Variants in ZRANB1 observed in about 807,000 individuals in gnomAD.
The protein encoded by ZRANB1 is ubiquitin thioesterase ZRANB1.
In ZRANB1, 16 loss-of-function variants were observed where a neutral mutation model predicts 80.5. The ratio of observed to expected loss-of-function variants is 0.20; its 90% CI spans 0.13 to 0.30. The LOEUF (loss-of-function observed/expected upper bound fraction) is 0.30, where lower values mean the gene tolerates loss of function less well. Among genes scored for constraint, ZRANB1 ranks in the 10% least tolerant of loss-of-function variants. The pLI is 1.00. For missense variants in ZRANB1, 576 were observed against 862.6 expected (o/e 0.67, Z 4.16); for synonymous variants, 291 against 293.1 (o/e 0.99, Z 0.07).
intron 1 of ZRANB1, among the ~76,000 whole-genome samples, chr10:124,958,021 C>T (rs112835763): frequency 3.3e-5 from 5 of 152,240 alleles, no homozygotes; most frequent in African/African-American, 4.8e-5. Flanking sequence ...TGAGCCACTG[C>T]GCCTAGCCAG....
At chr10:124,917,898 A>G in the ZRANB1 span, among the ~76,000 whole-genome samples, 1 of 152,166 alleles carries the variant, frequency 6.6e-6, no homozygotes, top group Non-Finnish European at 1.5e-5. Flanking sequence ...GGTGCGGGTC[A>G]TTTCACAGAC....
At chr10:124,927,914 A>C in the ZRANB1 span, among the ~76,000 whole-genome samples, 1 of 152,166 alleles carries the variant, frequency 6.6e-6, no homozygotes, top group Non-Finnish European at 1.5e-5. Context: ...GCACATGCCC[A>C]TAATCCCAGC....
chr10:124,933,576 T>C, the ZRANB1 span, among the ~76,000 whole-genome samples: 1 of 152,258 alleles, frequency 6.6e-6, no homozygotes, highest in Non-Finnish European at 1.5e-5. Context: ...AACTGTGGTC[T>C]TTCATCCAGT....
intron 1 of ZRANB1, among the ~76,000 whole-genome samples, chr10:124,947,385 T>C (rs1311024149): frequency 1.3e-5 from 2 of 152,222 alleles, no homozygotes; most frequent in Non-Finnish European, 2.9e-5. Context: ...ATCTAGAGAA[T>C]AGAGCAGCAC....
chr10:124,928,541 A>G, the ZRANB1 span, among the ~76,000 whole-genome samples: 1 of 152,154 alleles, frequency 6.6e-6, no homozygotes, highest in Non-Finnish European at 1.5e-5. Context: ...CTTTTTTATT[A>G]TTGGGCACCT....
At chr10:124,960,934 G>A (rs950807188) in intron 1 of ZRANB1, among the ~76,000 whole-genome samples, 8 of 151,978 alleles carry the variant, frequency 5.3e-5, no homozygotes, top group African/African-American at 1.9e-4. Flanking sequence ...TGGTGAATGT[G>A]GTTTTGGCAT....
the ZRANB1 span, among the ~76,000 whole-genome samples, chr10:124,917,724 C>T: frequency 6.6e-6 from 1 of 152,188 alleles, no homozygotes; most frequent in African/African-American, 2.4e-5. Flanking sequence ...TTGCTTTCCA[C>T]CTCCTGCGGT....
chr10:124,932,630 G>A, the ZRANB1 span, among the ~76,000 whole-genome samples: 2 of 152,164 alleles, frequency 1.3e-5, no homozygotes, highest in South Asian at 4.2e-4. Context: ...ATTCTTGATA[G>A]CATTTGTTAG....
upstream of ZRANB1, among the ~76,000 whole-genome samples, chr10:124,939,448 G>C (rs1355634278): frequency 6.6e-6 from 1 of 152,010 alleles, no homozygotes; most frequent in African/African-American, 2.4e-5. Flanking sequence ...TATTTTACCA[G>C]GCATTTATGA....
At chr10:124,976,703 C>T (rs1951879569) in intron 5 of ZRANB1, among the ~76,000 whole-genome samples, 1 of 150,014 alleles carries the variant, frequency 6.7e-6, no homozygotes, top group African/African-American at 2.5e-5. Context: ...TTCGAAGTAG[C>T]TGGGATTACA....
At chr10:124,956,822 AG>A (rs1166258609) in intron 1 of ZRANB1, among the ~76,000 whole-genome samples, 1 of 152,204 alleles carries the variant, frequency 6.6e-6, no homozygotes, top group African/African-American at 2.4e-5. Flanking sequence ...AAAGGTTACA[AG>A]TGTAATATAT....
At chr10:124,939,155 G>A (rs1951513106), upstream of ZRANB1, among the ~76,000 whole-genome samples, 1 of 151,832 alleles carries the variant, frequency 6.6e-6, no homozygotes, top group Non-Finnish European at 1.5e-5. Context: ...CAGCTTGGGT[G>A]ACAAAGTGAG....
intron 1 of ZRANB1, 64 bp downstream of exon 1, chr10:124,943,371 A>C: frequency 6.7e-7 from 1 of 1,484,262 alleles, no homozygotes; most frequent in Non-Finnish European, 9.1e-7. Flanking sequence ...TGATATGAAA[A>C]GAGCTGGGTG....
chr10:124,926,875 T>G, the ZRANB1 span, among the ~76,000 whole-genome samples: 2 of 152,220 alleles, frequency 1.3e-5, no homozygotes, highest in African/African-American at 4.8e-5. Context: ...TTCAGCTTTG[T>G]TATATAATCT....
In ZRANB1 at chr10:124,966,659, C is replaced by A; in HGVS notation, c.880C>A (p.Gln294Lys). 1 of 1,614,174 alleles carries A rather than the reference C, an allele frequency of 6.2e-7. No individual in the cohort carries two copies. The highest frequency in any genetic ancestry group is 8.5e-7 in the Non-Finnish European group (1 of 1,180,012). ...GTCATCAGGAGGAGACATTGCACGT[C>A]AGCTCACCGCAGATGAAGTACGCTT... ...YKSSGGDIAR[Q>K]LTADEVRLLN... The change falls in exon 2 of 9, where the codon CAG (glutamine) becomes AAG (lysine). Residue 294 changes from glutamine (Q) to lysine (K), a missense_variant. Gln to Lys is a moderately conservative substitution (Grantham distance 53, BLOSUM62 1). This residue lies in a region of ZRANB1 where 411 missense variants were observed against 583.1 expected (regional missense o/e 0.70). Coordinates refer to ENST00000359653, the MANE Select transcript of ZRANB1 (RefSeq NM_017580.3).
At position 124,983,705 on chromosome 10, in the gene ZRANB1, A is replaced by G. The variant is rs1166581809; in HGVS notation, c.1908+17A>G. ...GCTCAGGAGGTAAGCAGTTTCTCCT[A>G]TGAACTATTTCTAGTAGTGACCTTG... On this transcript the variant is annotated intron_variant, in intron 8 of 8. Transcript: ENST00000359653. This position sits in a 1 kb window ranked among gnomAD's most constrained non-coding sequence, Gnocchi z 6.2. The G allele has an allele frequency of 1.2e-5, 18 of 1,546,472 alleles. No individual in the cohort carries two copies. Among genetic ancestry groups the G allele is most frequent in the Non-Finnish European group, 1.3e-5 (15 of 1,139,464 alleles).
chr10:124,972,851 T>C (rs780165324), intron 3 of ZRANB1, among the ~76,000 whole-genome samples: 1 of 151,890 alleles, frequency 6.6e-6, no homozygotes, highest in Non-Finnish European at 1.5e-5. Context: ...TGATCATAGC[T>C]TACTGCGCCT....
intron 1 of ZRANB1, among the ~76,000 whole-genome samples, chr10:124,958,132 C>T (rs1177781759): frequency 2.0e-5 from 3 of 152,230 alleles, no homozygotes; most frequent in Admixed American, 1.3e-4. Context: ...ATTTCTTTTT[C>T]ACCAAATTTA....
At chr10:124,936,479 A>G in the ZRANB1 span, among the ~76,000 whole-genome samples, 116 of 152,240 alleles carry the variant, frequency 7.6e-4, 2 homozygotes, top group East Asian at 0.018. Context: ...TCAAGATAGG[A>G]GTTTGTTGTG....
Sources: allele counts gnomAD v4.1 joint callset (sites outside exome capture counted in the v4.1 genomes callset), GRCh38; gene constraint gnomAD v4.1.1; regional missense constraint gnomAD v4.1.1; non-coding constraint Gnocchi (gnomAD v3.1); transcripts MANE v1.5; gene names NCBI Gene and HGNC (gene_info 2026-07-23, HGNC 2026-07-21).